The following CDH13 variants were observed in gnomAD, a reference collection of about 807,000 sequenced individuals.
The protein encoded by CDH13 is cadherin 13, also known as cadherin-13.
A neutral mutation model predicts 63.8 loss-of-function variants in CDH13; 24 were observed. The observed-to-expected ratio is 0.38, with a 90% CI of 0.27 to 0.53. The LOEUF is 0.53. Ranked by LOEUF, CDH13 falls within the 20% of genes least tolerant of loss-of-function variation. The pLI, the probability that CDH13 is intolerant of heterozygous loss-of-function variation, is 0.85. For synonymous variants in CDH13, 503 were observed against 355.3 expected (o/e 1.42, Z -4.67); for missense variants, 1,049 against 903.1 (o/e 1.16, Z -2.07).
intron 6 of CDH13, among the ~76,000 whole-genome samples, chr16:83,451,917 A>C (rs1023458721): frequency 6.6e-6 from 1 of 152,208 alleles, no homozygotes; most frequent in African/African-American, 2.4e-5. Context: ...CCTTCAGTGC[A>C]TCTGGTATGT....
chr16:83,297,635 G>A (rs1055074456), intron 5 of CDH13, among the ~76,000 whole-genome samples: 1 of 152,156 alleles, frequency 6.6e-6, no homozygotes, highest in Non-Finnish European at 1.5e-5. Context: ...ATGTTGGAAA[G>A]AGTCCTTGAT....
intron 7 of CDH13, among the ~76,000 whole-genome samples, chr16:83,501,831 T>C (rs914546182): frequency 6.6e-6 from 1 of 152,258 alleles, no homozygotes; most frequent in African/African-American, 2.4e-5. Flanking sequence ...TTTATCAGAC[T>C]CATTTCAGGG....
chr16:83,025,068 G>A (rs1436333756), intron 2 of CDH13, among the ~76,000 whole-genome samples: 1 of 152,210 alleles, frequency 6.6e-6, no homozygotes, highest in Non-Finnish European at 1.5e-5. Flanking sequence ...AGGAAGCTGT[G>A]TAGGAAAAGG....
intron 1 of CDH13, among the ~76,000 whole-genome samples, chr16:82,699,735 C>A (rs1172701303): frequency 6.6e-6 from 1 of 152,136 alleles, no homozygotes; most frequent in African/African-American, 2.4e-5. Context: ...CACCCACAAT[C>A]CAAACAGTGC....
intron 5 of CDH13, among the ~76,000 whole-genome samples, chr16:83,228,660 G>T (rs1401820709): frequency 6.6e-6 from 1 of 152,218 alleles, no homozygotes; most frequent in Non-Finnish European, 1.5e-5. Flanking sequence ...ATGGAAGAAA[G>T]CATTTAATGG....
chr16:83,627,125 T>C (rs6563955), intron 8 of CDH13, among the ~76,000 whole-genome samples: 14,984 of 39,642 alleles, frequency 0.38, 801 homozygotes, highest in South Asian at 0.44. Context: ...TCCACTAAAA[T>C]ACAAAAAAAA....
At chr16:82,697,733 G>A (rs7192851) in intron 1 of CDH13, among the ~76,000 whole-genome samples, 18,406 of 149,278 alleles carry the variant, frequency 0.12, 1,893 homozygotes, top group African/African-American at 0.28. Context: ...TGGCTGGGCC[G>A]AGGCATTGTG....
At chr16:83,739,654 G>A (rs1293616584) in intron 10 of CDH13, among the ~76,000 whole-genome samples, 1 of 152,202 alleles carries the variant, frequency 6.6e-6, no homozygotes, top group African/African-American at 2.4e-5. Flanking sequence ...AGAAGTGGGA[G>A]TTTGGCTGGG....
intron 2 of CDH13, among the ~76,000 whole-genome samples, chr16:82,900,210 C>G (rs1035319740): frequency 6.6e-6 from 1 of 152,128 alleles, no homozygotes; most frequent in Non-Finnish European, 1.5e-5. Context: ...CAGAAAGAAC[C>G]AGGACAACAA....
At chr16:83,607,902 C>T (rs571054264) in intron 8 of CDH13, among the ~76,000 whole-genome samples, 1 of 152,026 alleles carries the variant, frequency 6.6e-6, no homozygotes, top group East Asian at 1.9e-4. Flanking sequence ...ATTCTTGTCT[C>T]TTAGGTTATT....
chr16:83,216,770 ATAT>A (rs1164391753), intron 4 of CDH13, among the ~76,000 whole-genome samples: 13 of 149,744 alleles, frequency 8.7e-5, no homozygotes, highest in Non-Finnish European at 1.3e-4. Context: ...GGTTATATAC[ATAT>A]TATATATATA....
At chr16:83,453,459 A>G (rs890546146) in intron 6 of CDH13, among the ~76,000 whole-genome samples, 2 of 152,236 alleles carry the variant, frequency 1.3e-5, no homozygotes, top group African/African-American at 4.8e-5. Context: ...GAAAGAAACA[A>G]AAGAAAATAT....
At chr16:83,070,363 G>C (rs1365705708) in intron 3 of CDH13, among the ~76,000 whole-genome samples, 2 of 152,156 alleles carry the variant, frequency 1.3e-5, no homozygotes, top group African/African-American at 4.8e-5. Context: ...AATTCATAAA[G>C]TTGGATTAAA....
intron 2 of CDH13, among the ~76,000 whole-genome samples, chr16:82,962,681 C>T (rs1020481710): frequency 6.6e-6 from 1 of 152,180 alleles, no homozygotes; most frequent in Non-Finnish European, 1.5e-5. Context: ...GGCCAAGCAA[C>T]ACATCCAGTG....
At chr16:83,289,075 A>T (rs1305545827) in intron 5 of CDH13, among the ~76,000 whole-genome samples, 1 of 152,202 alleles carries the variant, frequency 6.6e-6, no homozygotes, top group Non-Finnish European at 1.5e-5. Flanking sequence ...GTCTTTAGTG[A>T]AACAGGAGTG....
chr16:83,008,640 G>T (rs528481004), intron 2 of CDH13, among the ~76,000 whole-genome samples: 2 of 152,280 alleles, frequency 1.3e-5, no homozygotes, highest in Admixed American at 1.3e-4. Context: ...GAGACCACTG[G>T]GTGTGGGAGA....
chr16:83,055,232 C>A (rs543174209), intron 3 of CDH13, among the ~76,000 whole-genome samples: 2 of 151,474 alleles, frequency 1.3e-5, no homozygotes, highest in South Asian at 2.1e-4. Flanking sequence ...TCAGAGAACA[C>A]CAAATTTAAC....
At chr16:83,000,548 C>T (rs1912796946) in intron 2 of CDH13, among the ~76,000 whole-genome samples, 2 of 149,096 alleles carry the variant, frequency 1.3e-5, no homozygotes, top group African/African-American at 2.5e-5. Flanking sequence ...TCACCCGACC[C>T]CAAGGTTGTC....
intron 3 of CDH13, among the ~76,000 whole-genome samples, chr16:83,122,211 C>G (rs955477600): frequency 6.6e-6 from 1 of 152,216 alleles, no homozygotes; most frequent in Non-Finnish European, 1.5e-5. Context: ...GAGGAAGTCT[C>G]AGCTTGGTGC....
Sources: gnomAD v4.1 joint callset for allele counts (sites outside exome capture counted in the v4.1 genomes callset) on GRCh38, gnomAD v4.1.1 for gene constraint, MANE v1.5 for transcripts, NCBI Gene and HGNC (gene_info 2026-07-23, HGNC 2026-07-21) for gene names.